Variants in CRYBG1 observed in about 807,000 individuals in gnomAD.
CRYBG1 encodes the protein crystallin beta-gamma domain containing 1.
Under a neutral mutation model 189.2 loss-of-function variants are expected in CRYBG1, and 139 were observed. The observed-to-expected ratio is 0.73, with a 90% CI of 0.64 to 0.85. The LOEUF is 0.85. CRYBG1 is among the 40% of genes least tolerant of loss of function. CRYBG1 has a pLI of 0.00. For synonymous variants in CRYBG1, 1,023 were observed against 1,017.1 expected, an observed-to-expected ratio of 1.01 and a Z score of -0.11; for missense variants, 2,611 against 2,675.8, an observed-to-expected ratio of 0.98 and a Z score of 0.53.
intron 1 of CRYBG1, among the ~76,000 whole-genome samples, chr6:106,400,195 G>T (rs1256415609): frequency 6.7e-6 from 1 of 150,228 alleles, no homozygotes; most frequent in African/African-American, 2.4e-5. Context: ...GCTCAGGCTG[G>T]TCTCAAACTC....
intron 9 of CRYBG1, among the ~76,000 whole-genome samples, chr6:106,540,143 T>G (rs783394): frequency 0.63 from 95,391 of 151,926 alleles, 30,218 homozygotes; most frequent in East Asian, 0.89. Context: ...GCTTTGTGCT[T>G]CCTCTCCCTT....
At chr6:106,368,530 C>G (rs1454848055) in intron 1 of CRYBG1, among the ~76,000 whole-genome samples, 1 of 152,090 alleles carries the variant, frequency 6.6e-6, no homozygotes, top group Non-Finnish European at 1.5e-5. Flanking sequence ...GAATGACCAG[C>G]GAATTGCTTA....
intron 2 of CRYBG1, among the ~76,000 whole-genome samples, chr6:106,503,706 C>T (rs1169117579): frequency 2.0e-5 from 3 of 152,182 alleles, no homozygotes; most frequent in Non-Finnish European, 2.9e-5. Context: ...TTTTATCTTC[C>T]TTTCTGATTG....
intron 4 of CRYBG1, 40 bp from the exon 5 acceptor site, chr6:106,525,093 G>A: frequency 6.2e-7 from 1 of 1,605,482 alleles, no homozygotes; most frequent in Non-Finnish European, 8.5e-7. Context: ...GTTATGTGAA[G>A]TTGTAATTAT....
intron 9 of CRYBG1, among the ~76,000 whole-genome samples, chr6:106,540,667 A>C (rs1294190136): frequency 6.6e-6 from 1 of 152,096 alleles, no homozygotes; most frequent in Admixed American, 6.5e-5. Context: ...GTTTGCTGAT[A>C]ATATCAGCCA....
At chr6:106,369,777 C>T (rs1769978450) in intron 1 of CRYBG1, among the ~76,000 whole-genome samples, 1 of 152,210 alleles carries the variant, frequency 6.6e-6, no homozygotes. Context: ...GTTCTAAGTG[C>T]TTTACAAATA....
intron 2 of CRYBG1, among the ~76,000 whole-genome samples, chr6:106,504,651 TTGTGTGTGTG>T (rs1168796186): frequency 6.6e-6 from 1 of 151,732 alleles, no homozygotes; most frequent in African/African-American, 2.4e-5. Context: ...GTGTGTGTGT[TTGTGTGTGTG>T]TATATGTGTG....
intron 8 of CRYBG1, among the ~76,000 whole-genome samples, chr6:106,531,651 CATTT>C (rs34386486): frequency 0.21 from 31,132 of 151,806 alleles, 3,299 homozygotes; most frequent in Non-Finnish European, 0.25. Flanking sequence ...ACAGTTTGTT[CATTT>C]ATTTATTTAC....
chr6:106,383,090 A>T (rs1770317475), intron 1 of CRYBG1, among the ~76,000 whole-genome samples: 1 of 152,220 alleles, frequency 6.6e-6, no homozygotes. Context: ...GAATGGAGGT[A>T]GTGAGTTCAA....
intron 1 of CRYBG1, among the ~76,000 whole-genome samples, chr6:106,376,584 T>C (rs1770167391): frequency 6.6e-6 from 1 of 152,064 alleles, no homozygotes; most frequent in Non-Finnish European, 1.5e-5. Flanking sequence ...CAACCTCTTC[T>C]ATAGCTCAGA....
intron 2 of CRYBG1, among the ~76,000 whole-genome samples, chr6:106,460,307 T>C (rs922622081): frequency 6.6e-6 from 1 of 152,182 alleles, no homozygotes; most frequent in African/African-American, 2.4e-5. Context: ...AGCTCTTTTG[T>C]ACACTTATTG....
chr6:106,409,000 A>G (rs1332810530), intron 1 of CRYBG1, among the ~76,000 whole-genome samples: 2 of 152,220 alleles, frequency 1.3e-5, no homozygotes, highest in African/African-American at 4.8e-5. Flanking sequence ...CCTATTCAAC[A>G]TAGTGTTGGA....
chr6:106,503,976 T>TTGATTG (rs1773067251), intron 2 of CRYBG1, among the ~76,000 whole-genome samples: 1 of 149,686 alleles, frequency 6.7e-6, no homozygotes, highest in African/African-American at 2.5e-5. Flanking sequence ...TAGTATACCT[T>TTGATTG]TGATTGTACC....
chr6:106,561,001 C>G, intron 19 of CRYBG1, 75 bp downstream of exon 19: 1 of 1,438,334 alleles, frequency 7.0e-7, no homozygotes, highest in Non-Finnish European at 9.3e-7. Flanking sequence ...AACTTTTTAT[C>G]CAATTTTTTT....
chr6:106,525,531 C>A, intron 6 of CRYBG1, 145 bp downstream of exon 6: 1 of 675,402 alleles, frequency 1.5e-6, no homozygotes, highest in South Asian at 1.8e-5. Flanking sequence ...ATAAGGGATT[C>A]ATATCTTAAC....
intron 2 of CRYBG1, among the ~76,000 whole-genome samples, chr6:106,500,039 T>G (rs1772967893): frequency 6.6e-6 from 1 of 152,246 alleles, no homozygotes; most frequent in Non-Finnish European, 1.5e-5. Context: ...ACTGTGCATA[T>G]ATACCCCATT....
intron 1 of CRYBG1, among the ~76,000 whole-genome samples, chr6:106,370,482 C>T (rs56170045): frequency 0.01 from 1,528 of 152,314 alleles, 22 homozygotes; most frequent in African/African-American, 0.035. Context: ...AGAAGCCCTG[C>T]TGCTTGAATC....
chr6:106,496,715 A>G (rs1429198864), intron 2 of CRYBG1, among the ~76,000 whole-genome samples: 2 of 152,188 alleles, frequency 1.3e-5, no homozygotes, highest in Non-Finnish European at 2.9e-5. Context: ...AGGAGGAGGT[A>G]TTTTGGCCAG....
intron 8 of CRYBG1, 121 bp from the exon 9 acceptor site, chr6:106,539,282 C>A: frequency 8.8e-7 from 1 of 1,142,696 alleles, no homozygotes; most frequent in Non-Finnish European, 1.2e-6. Flanking sequence ...TCCAACCATT[C>A]ATTATGTAGG....
Sources: gnomAD v4.1 joint callset for allele counts (sites outside exome capture counted in the v4.1 genomes callset) on GRCh38, gnomAD v4.1.1 for gene constraint, MANE v1.5 for transcripts, NCBI Gene and HGNC (gene_info 2026-07-23, HGNC 2026-07-21) for gene names.